Variants in MAPK10 observed in about 807,000 individuals in gnomAD.
MAPK10 encodes the protein JNK3 alpha protein kinase.
In MAPK10, 25 loss-of-function variants were observed where a neutral mutation model predicts 59.3. That is an observed-to-expected ratio of 0.42 (90% CI 0.31 to 0.59). The LOEUF is 0.59. Ranked by LOEUF, MAPK10 falls within the 20% of genes least tolerant of loss-of-function variation. The pLI, the probability that MAPK10 is intolerant of heterozygous loss-of-function variation, is 0.15. For missense variants in MAPK10, 351 were observed against 568.9 expected, an observed-to-expected ratio of 0.62 and a Z score of 3.90; for synonymous variants, 190 against 200.5, an observed-to-expected ratio of 0.95 and a Z score of 0.44.
At chr4:86,064,843 T>G (rs2046412556) in intron 10 of MAPK10, 1 of 153,426 alleles carries the variant, frequency 6.5e-6, no homozygotes, top group Non-Finnish European at 1.5e-5. Flanking sequence ...AATTTTAGTA[T>G]ATAAATTGAC....
At chr4:86,177,690 C>T (rs1167258756) in intron 3 of MAPK10, among the ~76,000 whole-genome samples, 1 of 151,924 alleles carries the variant, frequency 6.6e-6, no homozygotes, top group African/African-American at 2.4e-5. Flanking sequence ...TTACAAATTC[C>T]CTTGTTTACT....
chr4:86,342,762 G>A (rs987816421), intron 2 of MAPK10, among the ~76,000 whole-genome samples: 1 of 152,112 alleles, frequency 6.6e-6, no homozygotes, highest in African/African-American at 2.4e-5. Flanking sequence ...CTGAGACATT[G>A]GGGCCTTCTT....
At chr4:86,591,486 A>T (rs1274752146) in intron 1 of MAPK10, among the ~76,000 whole-genome samples, 1 of 151,792 alleles carries the variant, frequency 6.6e-6, no homozygotes, top group Admixed American at 6.6e-5. Context: ...CAATCCTCCC[A>T]CCTCAGCCTC....
At chr4:86,350,842 T>C (rs1418178368) in intron 2 of MAPK10, among the ~76,000 whole-genome samples, 2 of 152,170 alleles carry the variant, frequency 1.3e-5, no homozygotes, top group East Asian at 3.9e-4. Flanking sequence ...AAGATGATGA[T>C]GAGGACCTAA....
chr4:86,360,738 A>G (rs1272909180), upstream of MAPK10, among the ~76,000 whole-genome samples: 1 of 152,106 alleles, frequency 6.6e-6, no homozygotes, highest in Admixed American at 6.6e-5. Context: ...TGGGGCAAAT[A>G]TCGCAATTTT....
intron 2 of MAPK10, among the ~76,000 whole-genome samples, chr4:86,229,805 C>G (rs574235902): frequency 2.0e-5 from 3 of 151,904 alleles, no homozygotes; most frequent in African/African-American, 7.3e-5. Flanking sequence ...CCTATAACCA[C>G]GGCACTTTGT....
At position 86,101,998 on chromosome 4, in the gene MAPK10, A is replaced by G. The variant is rs1238675614; in HGVS notation, c.460T>C (p.Cys154Arg). 3.1e-6 allele frequency: 5 copies of G among 1,614,040 alleles called. No individual in the cohort carries two copies. The highest frequency in any genetic ancestry group is 2.2e-5 in the East Asian group (1 of 44,866). Reference protein sequence around the residue: ...LVMELMDANLCQVIQMELDHE... With the variant: ...LVMELMDANLRQVIQMELDHE... The stretch of plus-strand genomic sequence containing the variant: ...TCTAATTCCATCTGAATCACTTGAC[A>G]TAAGTTGGCATCCATCAGTTCCATT... Residue 154 changes from cysteine (C) to arginine (R), a missense_variant, in exon 7 of 14, where the codon TGT becomes CGT. Cys to Arg is a radical substitution (Grantham distance 180). Transcript: ENST00000641462.
intron 1 of MAPK10, among the ~76,000 whole-genome samples, chr4:86,436,983 T>C (rs1320269938): frequency 2.6e-5 from 4 of 151,964 alleles, no homozygotes; most frequent in Admixed American, 2.0e-4. Flanking sequence ...GAGGCCAAGG[T>C]GGGCAGATCA....
chr4:86,173,503 G>A (rs983404360), intron 3 of MAPK10, among the ~76,000 whole-genome samples: 5 of 151,932 alleles, frequency 3.3e-5, no homozygotes, highest in Non-Finnish European at 7.4e-5. Flanking sequence ...TAAGAAAAAT[G>A]TAAAACCCAA....
chr4:86,039,601 C>G (rs913617680), intron 11 of MAPK10, among the ~76,000 whole-genome samples: 12 of 152,162 alleles, frequency 7.9e-5, no homozygotes, highest in Non-Finnish European at 1.2e-4. Context: ...CTTAGCAGCC[C>G]AGCCTCTGGA....
At chr4:86,502,327 C>A (rs1755391183) in intron 1 of MAPK10, among the ~76,000 whole-genome samples, 1 of 152,070 alleles carries the variant, frequency 6.6e-6, no homozygotes, top group African/African-American at 2.4e-5. Context: ...CAACTCGCTC[C>A]TGAAGTATCT....
At chr4:86,159,249 T>C (rs761071719) in intron 4 of MAPK10, 49 bp downstream of exon 4, 8 of 1,435,422 alleles carry the variant, frequency 5.6e-6, no homozygotes, top group South Asian at 1.5e-5. Flanking sequence ...GTCTAGTAGT[T>C]GCACACGGTG....
rs529770805 is a variant in MAPK10 at position 86,255,554 on chromosome 4, C to A, written c.-6-61147G>T. Among the ~76,000 whole-genome samples the A allele has an allele frequency of 7.9e-5, 12 of 152,282 alleles. 1 individual carries two copies. Among genetic ancestry groups the A allele is most frequent in the African/African-American group, 2.6e-4 (11 of 41,558 alleles). ...GTGCTAGGCTGGGAACTTTGGAGAC[C>A]ACACCATATATCTAACTCAAAGTAC... is the stretch of plus-strand genomic sequence containing the variant. On this transcript the variant is annotated intron_variant, in intron 2 of 13. Coordinates refer to ENST00000641462, the MANE Select transcript of MAPK10 (RefSeq NM_138982.4).
At chr4:86,115,352 A>G (rs1360298468) in intron 4 of MAPK10, among the ~76,000 whole-genome samples, 2 of 152,012 alleles carry the variant, frequency 1.3e-5, no homozygotes, top group Non-Finnish European at 2.9e-5. Context: ...CTCACTCTGC[A>G]TGGGTCATAC....
intron 1 of MAPK10, among the ~76,000 whole-genome samples, chr4:86,589,793 T>C (rs996893662): frequency 4.0e-5 from 6 of 151,162 alleles, no homozygotes; most frequent in African/African-American, 1.5e-4. Context: ...CAAAGAGATA[T>C]ATTTCAACTT....
chr4:86,064,700 G>T, intron 10 of MAPK10: 1 of 301,474 alleles, frequency 3.3e-6, no homozygotes, highest in Non-Finnish European at 6.2e-6. Flanking sequence ...TTGGTAACCT[G>T]CATGAATATA....
At chr4:86,288,829 GA>G (rs1268667658) in intron 2 of MAPK10, among the ~76,000 whole-genome samples, 1 of 151,764 alleles carries the variant, frequency 6.6e-6, no homozygotes, top group African/African-American at 2.4e-5. Context: ...TCAAAAGAGA[GA>G]TCTTGAATCA....
chr4:86,576,794 C>A (rs1347752501), intron 1 of MAPK10, among the ~76,000 whole-genome samples: 8 of 151,468 alleles, frequency 5.3e-5, no homozygotes, highest in Non-Finnish European at 1.0e-4. Context: ...AAACAAAAAA[C>A]CTATAATTGG....
intron 1 of MAPK10, among the ~76,000 whole-genome samples, chr4:86,543,119 A>T (rs1169558641): frequency 6.6e-6 from 1 of 152,156 alleles, no homozygotes; most frequent in Non-Finnish European, 1.5e-5. Context: ...AGTTAAAGGG[A>T]TGTGGTGCAA....
Sources: gnomAD v4.1 joint callset for allele counts (sites outside exome capture counted in the v4.1 genomes callset) on GRCh38, gnomAD v4.1.1 for gene constraint, MANE v1.5 for transcripts, NCBI Gene and HGNC (gene_info 2026-07-23, HGNC 2026-07-21) for gene names.